CSMD2: variants seen among roughly 807,000 people sequenced by gnomAD.
The protein encoded by CSMD2 is CUB and sushi domain-containing protein 2.
CSMD2 carries 130 observed loss-of-function variants against 398.5 expected under a neutral mutation model. The observed-to-expected ratio is 0.33, with a 90% CI of 0.28 to 0.38. The LOEUF (loss-of-function observed/expected upper bound fraction) is 0.38, where lower values mean the gene tolerates loss of function less well. CSMD2 is among the 10% of genes least tolerant of loss of function. The pLI is 1.00. For synonymous variants in CSMD2, 1,828 were observed against 1,908.5 expected (o/e 0.96, Z 1.10); for missense variants, 3,829 against 4,764.9 (o/e 0.80, Z 5.78).
intron 25 of CSMD2, among the ~76,000 whole-genome samples, chr1:33,678,437 G>A (rs1341284679): frequency 6.6e-6 from 1 of 152,032 alleles, no homozygotes; most frequent in East Asian, 1.9e-4. Context: ...GGCTTTGGAT[G>A]TTCCCAACCA....
At chr1:33,726,709 G>A (rs1357785937) in intron 15 of CSMD2, 24 bp from the exon 16 acceptor site, 1 of 1,595,530 alleles carries the variant, frequency 6.3e-7, no homozygotes, top group Non-Finnish European at 8.5e-7. Flanking sequence ...AGGAAGAGAG[G>A]CAGCTTTCTT....
At chr1:33,799,126 T>C (rs1212334399) in intron 10 of CSMD2, among the ~76,000 whole-genome samples, 3 of 152,228 alleles carry the variant, frequency 2.0e-5, no homozygotes. Context: ...TCAGACCAAA[T>C]CTGTCCTATA....
intron 53 of CSMD2, among the ~76,000 whole-genome samples, chr1:33,560,131 G>C (rs1053946574): frequency 2.0e-5 from 3 of 152,134 alleles, no homozygotes; most frequent in African/African-American, 4.8e-5. Flanking sequence ...GTTCTCGGCT[G>C]CTCTCAGCTG....
At chr1:34,061,458 T>C (rs536589339) in intron 2 of CSMD2, among the ~76,000 whole-genome samples, 1 of 152,200 alleles carries the variant, frequency 6.6e-6, no homozygotes, top group Admixed American at 6.5e-5. Flanking sequence ...GGCTCCTCTC[T>C]AGCACCCAGG....
intron 25 of CSMD2, among the ~76,000 whole-genome samples, chr1:33,682,050 G>A (rs143389186): frequency 2.6e-5 from 4 of 152,232 alleles, no homozygotes; most frequent in South Asian, 2.1e-4. Flanking sequence ...GTATTGCTGC[G>A]CTTCAATCAA....
At chr1:33,857,901 T>C (rs945986065) in intron 5 of CSMD2, among the ~76,000 whole-genome samples, 12 of 152,150 alleles carry the variant, frequency 7.9e-5, no homozygotes, top group Admixed American at 7.9e-4. Context: ...TATAAAGGAG[T>C]AGGTTTTTAA....
At chr1:34,047,827 A>C (rs1388674141) in intron 2 of CSMD2, among the ~76,000 whole-genome samples, 1 of 152,172 alleles carries the variant, frequency 6.6e-6, no homozygotes, top group African/African-American at 2.4e-5. Flanking sequence ...AGGAAAGACA[A>C]AACCCACTTT....
chr1:34,057,983 T>G (rs919420294), intron 2 of CSMD2, among the ~76,000 whole-genome samples: 4 of 152,138 alleles, frequency 2.6e-5, no homozygotes, highest in Admixed American at 6.5e-5. Flanking sequence ...TCTGGCAGGC[T>G]TGGCTTCTCC....
At chr1:33,610,040 G>A (rs1284270754) in intron 41 of CSMD2, among the ~76,000 whole-genome samples, 1 of 152,184 alleles carries the variant, frequency 6.6e-6, no homozygotes, top group East Asian at 1.9e-4. Context: ...AGAAGATACT[G>A]TCTATGAACT....
chr1:33,607,918 T>C (rs1358777926), intron 41 of CSMD2, among the ~76,000 whole-genome samples: 1 of 152,172 alleles, frequency 6.6e-6, no homozygotes, highest in Non-Finnish European at 1.5e-5. Flanking sequence ...GCTGGGTGTC[T>C]GAAGGCAACT....
intron 6 of CSMD2, among the ~76,000 whole-genome samples, chr1:33,828,638 G>A (rs1659097534): frequency 1.3e-5 from 2 of 152,234 alleles, no homozygotes; most frequent in South Asian, 2.1e-4. Flanking sequence ...TGAGATATGT[G>A]TGGCCATGAG....
intron 49 of CSMD2, among the ~76,000 whole-genome samples, chr1:33,575,435 G>A (rs1449518688): frequency 6.6e-6 from 1 of 152,196 alleles, no homozygotes; most frequent in African/African-American, 2.4e-5. Flanking sequence ...TGGTCTCCAT[G>A]GAGGGAGGAA....
intron 2 of CSMD2, among the ~76,000 whole-genome samples, chr1:34,049,899 A>G (rs1652982563): frequency 6.6e-6 from 1 of 152,146 alleles, no homozygotes; most frequent in Admixed American, 6.5e-5. Flanking sequence ...GGTCATAAGG[A>G]TGGGACTTCC....
intron 3 of CSMD2, among the ~76,000 whole-genome samples, chr1:33,938,253 T>C (rs1558132219): frequency 1.3e-5 from 2 of 152,226 alleles, no homozygotes. Flanking sequence ...CCCACACTGC[T>C]AGTTTACTTA....
At chr1:33,909,662 A>AAT (rs1643339241) in intron 5 of CSMD2, among the ~76,000 whole-genome samples, 1 of 152,138 alleles carries the variant, frequency 6.6e-6, no homozygotes, top group Non-Finnish European at 1.5e-5. Context: ...CAGTGACCAT[A>AAT]ATGAAGGAGA....
intron 1 of CSMD2, among the ~76,000 whole-genome samples, chr1:34,162,207 G>C (rs1260983974): frequency 7.2e-6 from 1 of 138,976 alleles, no homozygotes; most frequent in Non-Finnish European, 1.6e-5. Context: ...GAGGATGATT[G>C]ATAGGGACAG....
intron 5 of CSMD2, among the ~76,000 whole-genome samples, chr1:33,889,753 CTGTGTGTGTGTGTGTG>C (rs55771161): frequency 6.8e-6 from 1 of 148,066 alleles, no homozygotes; most frequent in Non-Finnish European, 1.5e-5. Context: ...ACCTCCTATC[CTGTGTGTGTGTGTGTG>C]TGTGTGTGTG....
rs151085547 is a variant in CSMD2 at position 33,656,705 on chromosome 1, C to T, written c.4447+1241G>A. 2.2e-3 allele frequency among the ~76,000 whole-genome samples: 333 copies of T among 152,282 alleles called. 1 individual carries two copies. The highest frequency in any genetic ancestry group is 7.3e-3 in the African/African-American group (304 of 41,566). On this transcript the variant is annotated intron_variant, in intron 27 of 70. Transcript: ENST00000373381. ...ATGAGAGGCTTTGCATTCAGACTGG[C>T]GTGGGTGTAAATCTTGGCTCTGCCA...
intron 9 of CSMD2, among the ~76,000 whole-genome samples, chr1:33,812,368 G>A (rs1253641569): frequency 6.6e-6 from 1 of 152,206 alleles, no homozygotes; most frequent in Admixed American, 6.5e-5. Context: ...TCTTCTCACT[G>A]TAGTCCTGCA....
Sources: allele counts gnomAD v4.1 joint callset (sites outside exome capture counted in the v4.1 genomes callset), GRCh38; gene constraint gnomAD v4.1.1; transcripts MANE v1.5; gene names NCBI Gene and HGNC (gene_info 2026-07-23, HGNC 2026-07-21).